The following RCBTB2 variants were observed in gnomAD, a reference collection of about 807,000 sequenced individuals.
RCBTB2 encodes RCC1 and BTB domain containing protein 2, also known as RCC1 and BTB domain-containing protein 2.
RCBTB2 carries 55 observed loss-of-function variants against 65.4 expected under a neutral mutation model. The observed-to-expected ratio is 0.84, with a 90% confidence interval of 0.68 to 1.05. The LOEUF is 1.05. RCBTB2 is among the 50% of genes least tolerant of loss of function. The probability of loss-of-function intolerance (pLI) is 0.00; values close to 1 mark genes in which losing one functional copy is unlikely to be tolerated. For missense variants in RCBTB2, 599 were observed against 680.1 expected (o/e 0.88, Z 1.33); for synonymous variants, 220 against 255.2 (o/e 0.86, Z 1.31).
At chr13:48,514,972 C>T (rs9331994) in intron 6 of RCBTB2, among the ~76,000 whole-genome samples, 4,164 of 152,274 alleles carry the variant, frequency 0.027, 173 homozygotes, top group African/African-American at 0.09. Flanking sequence ...ACAATCAGTT[C>T]GTCAGTGTTT....
At chr13:48,512,214 T>C in intron 7 of RCBTB2, 40 bp from the exon 8 acceptor site, 1 of 1,560,554 alleles carries the variant, frequency 6.4e-7, no homozygotes, top group South Asian at 1.1e-5. Context: ...CAGATTAATT[T>C]ATAAACTGTC....
In RCBTB2 at chr13:48,511,855, C is replaced by T. The variant is rs775264377; in HGVS notation, c.698G>A (p.Gly233Glu). 2 of 1,614,200 alleles carry T rather than the reference C, an allele frequency of 1.2e-6. No homozygotes were observed. Among genetic ancestry groups the T allele is most frequent in the Admixed American group, 3.3e-5 (2 of 60,024 alleles). The change falls in exon 9 of 15, where the codon GGA becomes GAA. Residue 233 changes from glycine (G) to glutamate (E), a missense_variant. Physicochemically the swap from Gly to Glu is moderately conservative, Grantham distance 98. Coordinates refer to ENST00000344532, the MANE Select transcript of RCBTB2 (RefSeq NM_001268.4). ...TGEVYVWGYN[G>E]NGQLGLGNSG... ...GTTGCCGAGTCCAAGCTGCCCGTTT[C>T]CGTTGTAACCCCAGACATAGACCTG...
At chr13:48,501,102 C>T (rs538086963) in intron 12 of RCBTB2, among the ~76,000 whole-genome samples, 1 of 152,290 alleles carries the variant, frequency 6.6e-6, no homozygotes, top group East Asian at 1.9e-4. Flanking sequence ...ACAGAAGGAG[C>T]TGCGGTCACC....
intron 10 of RCBTB2, among the ~76,000 whole-genome samples, chr13:48,508,085 C>A (rs1950591744): frequency 6.6e-6 from 1 of 152,200 alleles, no homozygotes; most frequent in Non-Finnish European, 1.5e-5. Context: ...CTTCTGTGAA[C>A]AGGTAACTAA....
At position 48,489,803 on chromosome 13, in the gene RCBTB2, A is replaced by G. The variant is rs1220687352; in HGVS notation, c.*308T>C. On this transcript the variant is annotated 3_prime_UTR_variant, in exon 15 of 15. Transcript: ENST00000344532. Reference sequence around the variant, plus strand: ...TGAATAATGGAACATTTGGGCCAGAATAGCATATACTGAGACCAGGGTACC... The same window carrying G: ...TGAATAATGGAACATTTGGGCCAGAGTAGCATATACTGAGACCAGGGTACC... 1.7e-5 allele frequency: 6 copies of G among 357,396 alleles called. No individual in the cohort carries two copies. Among genetic ancestry groups the G allele is most frequent in the Admixed American group, 4.6e-5 (1 of 21,866 alleles). 22.1% of individuals were successfully genotyped at this position (357,396 alleles called of 1,614,324 possible).
At chr13:48,493,673 A>T (rs1949847929) in intron 14 of RCBTB2, among the ~76,000 whole-genome samples, 1 of 151,892 alleles carries the variant, frequency 6.6e-6, no homozygotes, top group Admixed American at 6.6e-5. Context: ...TGCTTGAGTC[A>T]CCTGCTCACT....
At position 48,490,214 on chromosome 13, in the gene RCBTB2, T is replaced by A; in HGVS notation, c.1553A>T (p.His518Leu). ...EEFCFRFCIN[H>L]LTVVTQTSGF... is the part of the protein sequence containing the mutation. ...TGATGTTTGTGTTACTACAGTCAGA[T>A]GGTTTATGCAAAACCTGAAGCAGAA... The change falls in exon 15 of 15, where the codon CAT (histidine) becomes CTT (leucine). Residue 518 changes from histidine to leucine, a missense_variant. Physicochemically the swap from His to Leu is moderately conservative, Grantham distance 99 (BLOSUM62 -3). Transcript: ENST00000344532. 6.2e-7 allele frequency: 1 copy of A among 1,613,832 alleles called. No homozygotes were observed. The highest frequency in any genetic ancestry group is 8.5e-7 in the Non-Finnish European group (1 of 1,179,704).
intron 1 of RCBTB2, among the ~76,000 whole-genome samples, chr13:48,528,165 C>T (rs1951909341): frequency 6.6e-6 from 1 of 152,028 alleles, no homozygotes; most frequent in Non-Finnish European, 1.5e-5. Flanking sequence ...AAACAATATC[C>T]AGCTCTCTTA....
Position 48,532,884 on chromosome 13 carries a change from C to G in RCBTB2, c.-219+144G>C, listed in dbSNP as rs571254492. The G allele has an allele frequency of 1.2e-5, 5 of 429,576 alleles. No homozygotes were observed. In the East Asian group the frequency reaches 2.2e-4, roughly 19 times the overall value. 26.6% of individuals were successfully genotyped at this position (429,576 alleles called of 1,614,324 possible). ...CCTGTGGCACGGTCGCGGCTCTAGT[C>G]CCCTGGGCCCCTCAGCTGTCTCTGG... is the stretch of plus-strand genomic sequence containing the variant. On this transcript the variant is annotated intron_variant, in intron 1 of 14. Coordinates refer to ENST00000344532, the MANE Select transcript of RCBTB2 (RefSeq NM_001268.4).
In RCBTB2 at chr13:48,493,311, A is replaced by ACT. The variant is rs773819158; in HGVS notation, c.1515+2879_1515+2880insAG. Among the ~76,000 whole-genome samples the ACT allele has an allele frequency of 2.5e-3, 143 of 57,404 alleles. 1 individual carries two copies. Among genetic ancestry groups the ACT allele is most frequent in the East Asian group, 6.2e-3 (11 of 1,772 alleles). 37.7% of individuals were successfully genotyped at this position (57,404 alleles called of 152,430 possible). A position where few individuals can be genotyped will look rare whatever the true frequency, so the allele number is the denominator to read the frequency against. The stretch of plus-strand genomic sequence containing the variant: ...TCTCCACACACACACACACACACAC[A>ACT]CACACTCTCTCTCTCTCTCTCTCTC... On this transcript the variant is annotated intron_variant, in intron 14 of 14. Transcript: ENST00000344532.
chr13:48,499,142 A>ACACACACACT (rs1366425462), intron 13 of RCBTB2, among the ~76,000 whole-genome samples: 28 of 132,386 alleles, frequency 2.1e-4, no homozygotes, highest in African/African-American at 7.6e-4. Context: ...ACACACACAC[A>ACACACACACT]CTCTCTCTCT....
At position 48,527,339 on chromosome 13, in the gene RCBTB2, T is replaced by TATATATATATATC. The variant is rs1195644739; in HGVS notation, c.-218-2583_-218-2582insGATATATATATAT. Among the ~76,000 whole-genome samples, 961 of 117,894 alleles carry TATATATATATATC rather than the reference T, an allele frequency of 8.2e-3. 34 individuals carry two copies. Among genetic ancestry groups the TATATATATATATC allele is most frequent in the East Asian group, 0.07 (325 of 4,666 alleles). The allele number at this position is 117,894 out of a possible 152,430, so 77.3% of individuals were successfully genotyped here. ...TTGGCTCATATATATATATATATGA[T>TATATATATATATC]ATATATATATATGATATATATTTAT... On this transcript the variant is annotated intron_variant, in intron 1 of 14. Coordinates refer to ENST00000344532, the MANE Select transcript of RCBTB2 (RefSeq NM_001268.4).
upstream of RCBTB2, chr13:48,533,302 G>A (rs1392493496): frequency 3.2e-6 from 1 of 309,172 alleles, no homozygotes; most frequent in Admixed American, 4.6e-5. Flanking sequence ...TTGACCCCCG[G>A]GAGTCTCCCA....
At chr13:48,520,782 C>A (rs1335087196) in intron 4 of RCBTB2, among the ~76,000 whole-genome samples, 1 of 152,022 alleles carries the variant, frequency 6.6e-6, no homozygotes, top group Non-Finnish European at 1.5e-5. Context: ...TGTTGCAATT[C>A]AATTTAAAAT....
intron 1 of RCBTB2, among the ~76,000 whole-genome samples, chr13:48,527,569 C>A (rs2138652768): frequency 6.6e-6 from 1 of 151,996 alleles, no homozygotes; most frequent in African/African-American, 2.4e-5. Flanking sequence ...TGCCACTGAT[C>A]TCTGTCTTTA....
chr13:48,534,510 A>G (rs1216749915), upstream of RCBTB2, among the ~76,000 whole-genome samples: 2 of 152,196 alleles, frequency 1.3e-5, no homozygotes, highest in African/African-American at 4.8e-5. Context: ...TCTTTTACGC[A>G]TTATGGACAG....
chr13:48,534,521 C>G (rs1313311369), upstream of RCBTB2, among the ~76,000 whole-genome samples: 1 of 152,198 alleles, frequency 6.6e-6, no homozygotes, highest in East Asian at 1.9e-4. Flanking sequence ...TTATGGACAG[C>G]TGAAGTTCAT....
chr13:48,526,431 G>A (rs1161783474), intron 1 of RCBTB2, among the ~76,000 whole-genome samples: 2 of 152,154 alleles, frequency 1.3e-5, no homozygotes, highest in African/African-American at 4.8e-5. Context: ...AGCTACTTGG[G>A]AGGCTAAGAT....
intron 1 of RCBTB2, among the ~76,000 whole-genome samples, chr13:48,526,895 GAC>G (rs1951767667): frequency 6.6e-6 from 1 of 152,116 alleles, no homozygotes; most frequent in Non-Finnish European, 1.5e-5. Context: ...CAGCCTGGGT[GAC>G]AGAGTGAGAC....
Sources: allele counts gnomAD v4.1 joint callset (sites outside exome capture counted in the v4.1 genomes callset), GRCh38; gene constraint gnomAD v4.1.1; transcripts MANE v1.5; gene names NCBI Gene and HGNC (gene_info 2026-07-23, HGNC 2026-07-21).